Variants in MAGI2 observed in about 807,000 individuals in gnomAD.
The protein encoded by MAGI2 is membrane-associated guanylate kinase, WW and PDZ domain-containing protein 2.
A neutral mutation model predicts 133.3 loss-of-function variants in MAGI2; 35 were observed. The ratio of observed to expected loss-of-function variants is 0.26; its 90% CI spans 0.20 to 0.35. The LOEUF (loss-of-function observed/expected upper bound fraction) is 0.35, where lower values mean the gene tolerates loss of function less well. Ranked by LOEUF, MAGI2 falls within the 10% of genes least tolerant of loss-of-function variation. The pLI is 1.00. For missense variants in MAGI2, 1,636 were observed against 1,863.4 expected (o/e 0.88, Z 2.25); for synonymous variants, 729 against 710.6 (o/e 1.03, Z -0.41).
intron 6 of MAGI2, among the ~76,000 whole-genome samples, chr7:78,377,228 T>C (rs1325797831): frequency 6.6e-6 from 1 of 151,974 alleles, no homozygotes; most frequent in African/African-American, 2.4e-5. Flanking sequence ...AGAAACAAAA[T>C]AGTATGAACT....
intron 1 of MAGI2, 30 bp from the exon 2 acceptor site, chr7:79,007,236 G>T: frequency 7.6e-7 from 1 of 1,308,424 alleles, no homozygotes; most frequent in Non-Finnish European, 1.1e-6. Flanking sequence ...CTTGGTAAGG[G>T]ATGTTGGAAA....
intron 1 of MAGI2, among the ~76,000 whole-genome samples, chr7:79,169,844 G>T (rs186677357): frequency 6.6e-6 from 1 of 152,046 alleles, no homozygotes; most frequent in East Asian, 1.9e-4. Context: ...CAGGAGGGGT[G>T]ATTAGCTTCT....
chr7:78,021,486 T>G (rs1469713963), intron 21 of MAGI2, among the ~76,000 whole-genome samples: 1 of 152,206 alleles, frequency 6.6e-6, no homozygotes, highest in African/African-American at 2.4e-5. Flanking sequence ...TCCATTAATG[T>G]CCAGGGTCTA....
intron 21 of MAGI2, among the ~76,000 whole-genome samples, chr7:78,067,687 G>A (rs1405948577): frequency 1.3e-5 from 2 of 152,194 alleles, no homozygotes; most frequent in Admixed American, 1.3e-4. Context: ...TAAGTTTAGA[G>A]ATTTTGTTGT....
At chr7:78,313,290 C>A (rs1343582589) in intron 9 of MAGI2, among the ~76,000 whole-genome samples, 1 of 151,970 alleles carries the variant, frequency 6.6e-6, no homozygotes, top group Non-Finnish European at 1.5e-5. Flanking sequence ...CCGGATTTCA[C>A]CACTGCAATA....
chr7:78,423,692 T>C (rs1266109570), intron 6 of MAGI2, among the ~76,000 whole-genome samples: 1 of 152,058 alleles, frequency 6.6e-6, no homozygotes, highest in East Asian at 1.9e-4. Context: ...CAGATAGAGA[T>C]GAGGAACTTG....
chr7:78,392,226 T>G (rs1795958855), intron 6 of MAGI2, among the ~76,000 whole-genome samples: 1 of 152,160 alleles, frequency 6.6e-6, no homozygotes, highest in South Asian at 2.1e-4. Context: ...ACATAAATAT[T>G]GTATGATTTC....
chr7:79,106,080 T>C (rs1454167026), intron 1 of MAGI2, among the ~76,000 whole-genome samples: 1 of 152,000 alleles, frequency 6.6e-6, no homozygotes, highest in South Asian at 2.1e-4. Flanking sequence ...ACAATTGGAG[T>C]CTAATATAGC....
At chr7:78,081,727 A>T (rs1429957280) in intron 20 of MAGI2, among the ~76,000 whole-genome samples, 1 of 152,134 alleles carries the variant, frequency 6.6e-6, no homozygotes, top group Non-Finnish European at 1.5e-5. Context: ...GGCACTAAAA[A>T]GTTAAGCATG....
At chr7:78,401,298 C>A (rs1217305599) in intron 6 of MAGI2, among the ~76,000 whole-genome samples, 1 of 152,164 alleles carries the variant, frequency 6.6e-6, no homozygotes, top group Non-Finnish European at 1.5e-5. Flanking sequence ...CACCAGCAAC[C>A]TTGACCTTGC....
intron 1 of MAGI2, among the ~76,000 whole-genome samples, chr7:79,305,360 T>C (rs1837707177): frequency 6.6e-6 from 1 of 152,204 alleles, no homozygotes; most frequent in Non-Finnish European, 1.5e-5. Context: ...CTGGAGTCTG[T>C]TGAGTATCTA....
chr7:78,897,846 T>C (rs889704179), intron 2 of MAGI2, among the ~76,000 whole-genome samples: 3 of 152,176 alleles, frequency 2.0e-5, no homozygotes, highest in Admixed American at 6.5e-5. Context: ...AAAACAAAAA[T>C]TGACAAACGA....
chr7:79,034,547 G>C (rs1810929639), intron 1 of MAGI2, among the ~76,000 whole-genome samples: 1 of 152,102 alleles, frequency 6.6e-6, no homozygotes, highest in Non-Finnish European at 1.5e-5. Context: ...CAAAGGCTCA[G>C]AGGTATAGAC....
chr7:78,926,474 G>C (rs1309677129), intron 2 of MAGI2, among the ~76,000 whole-genome samples: 1 of 152,094 alleles, frequency 6.6e-6, no homozygotes, highest in South Asian at 2.1e-4. Context: ...ATTGCCTGTA[G>C]TTGCCTCCAG....
At chr7:78,844,460 T>C (rs1792416217) in intron 2 of MAGI2, among the ~76,000 whole-genome samples, 1 of 151,854 alleles carries the variant, frequency 6.6e-6, no homozygotes, top group South Asian at 2.1e-4. Context: ...TACAATGGAG[T>C]ATTATTTAAC....
chr7:78,811,015 T>C (rs527564491), intron 2 of MAGI2, among the ~76,000 whole-genome samples: 63 of 152,148 alleles, frequency 4.1e-4, no homozygotes, highest in Non-Finnish European at 8.5e-4. Flanking sequence ...TGAAATCTTG[T>C]AGTACTTTGT....
intron 3 of MAGI2, among the ~76,000 whole-genome samples, chr7:78,556,719 C>A (rs904236659): frequency 2.6e-5 from 4 of 152,096 alleles, no homozygotes; most frequent in African/African-American, 9.7e-5. Context: ...CAAGCTTTCC[C>A]CTTACAGAAA....
chr7:79,334,464 T>G (rs1245094088), intron 1 of MAGI2, among the ~76,000 whole-genome samples: 6 of 152,162 alleles, frequency 3.9e-5, no homozygotes, highest in Non-Finnish European at 2.9e-5. Context: ...CTGACTTTGA[T>G]CTCTGCATAA....
Position 78,019,494 on chromosome 7 carries a change from T to TGCC in MAGI2, c.4186_4188dup (p.Gly1396dup), listed in dbSNP as rs797045686. 5.3e-5 allele frequency: 52 copies of TGCC among 979,496 alleles called. No homozygotes were observed. Among genetic ancestry groups the TGCC allele is most frequent in the South Asian group, 9.2e-5 (2 of 21,838 alleles). 60.7% of individuals were successfully genotyped at this position (979,496 alleles called of 1,614,324 possible). On this transcript the variant is annotated inframe_insertion, in exon 22 of 22. Transcript: ENST00000354212. ...CTGCCCTCGGCCTCCAGCGCGCCGCTGCCGCCGCCGCCCGGGCCGGCAAAC... is the reference window on the plus strand; with the variant it reads ...CTGCCCTCGGCCTCCAGCGCGCCGCTGCCGCCGCCGCCGCCCGGGCCGGCAAAC...
Sources: allele counts gnomAD v4.1 joint callset (sites outside exome capture counted in the v4.1 genomes callset), GRCh38; gene constraint gnomAD v4.1.1; transcripts MANE v1.5; gene names NCBI Gene and HGNC (gene_info 2026-07-23, HGNC 2026-07-21).